The following MAP3K9 variants were observed in gnomAD, a reference collection of about 807,000 sequenced individuals.
MAP3K9 encodes the protein mitogen-activated protein kinase kinase kinase 9.
MAP3K9 carries 46 observed loss-of-function variants against 95.8 expected under a neutral mutation model. The ratio of observed to expected loss-of-function variants is 0.48; its 90% confidence interval spans 0.38 to 0.61. The LOEUF (loss-of-function observed/expected upper bound fraction) is 0.61. Ranked by LOEUF, MAP3K9 falls within the 20% of genes least tolerant of loss-of-function variation. The pLI, the probability that MAP3K9 is intolerant of heterozygous loss-of-function variation, is 0.00. For missense variants in MAP3K9, 1,296 were observed against 1,474.3 expected (o/e 0.88, Z 1.98); for synonymous variants, 533 against 593.8 (o/e 0.90, Z 1.49).
chr14:70,789,908 A>G (rs2054788332), intron 2 of MAP3K9, among the ~76,000 whole-genome samples: 1 of 152,216 alleles, frequency 6.6e-6, no homozygotes, highest in South Asian at 2.1e-4. Context: ...ACACAATTAA[A>G]GTCGCCTAAG....
Position 70,730,673 on chromosome 14 carries a change from A to G in MAP3K9, c.3022T>C (p.Trp1008Arg), listed in dbSNP as rs1227456049. The G allele has an allele frequency of 6.2e-7, 1 of 1,613,576 alleles. No homozygotes were observed. Among genetic ancestry groups the G allele is most frequent in the Admixed American group, 1.7e-5 (1 of 60,016 alleles). ...CGGGCATGGCTGGGGGACACAAACC[A>G]CCAAGGGTCCAGCCGTTGCCGGTTG... ...SANRQRLDPW[W>R]FVSPSHARST... The change falls in exon 12 of 12, where the codon TGG (tryptophan) becomes CGG (arginine). Residue 1008 changes from tryptophan (W) to arginine (R), a missense_variant. By Grantham distance (101) the Trp-to-Arg change is moderately radical. Around this residue, in one of 5 missense-constraint regions of MAP3K9, gnomAD observed 433 missense variants for 441.4 expected, o/e 0.98. Transcript: ENST00000554752.
Position 70,789,582 on chromosome 14 carries a change from T to G in MAP3K9, c.820+11085A>C, listed in dbSNP as rs1482516520. 2.6e-5 allele frequency among the ~76,000 whole-genome samples: 4 copies of G among 152,152 alleles called. No homozygotes were observed. The East Asian group carries it at 7.7e-4, about 29-fold the overall frequency. On this transcript the variant is annotated intron_variant, in intron 2 of 11. Transcript: ENST00000554752. ...TGAGATTTCCTGTGACTCCAAGAGGTTGGCCACGTGCCCAATGTCAAGTGC... is the reference window on the plus strand; with the variant it reads ...TGAGATTTCCTGTGACTCCAAGAGGGTGGCCACGTGCCCAATGTCAAGTGC...
At chr14:70,805,847 A>G (rs2054984091) in intron 1 of MAP3K9, among the ~76,000 whole-genome samples, 1 of 152,188 alleles carries the variant, frequency 6.6e-6, no homozygotes, top group African/African-American at 2.4e-5. Context: ...GGATCTCTTG[A>G]GCCCAGGAGT....
intron 3 of MAP3K9, among the ~76,000 whole-genome samples, chr14:70,750,735 C>T (rs968320869): frequency 1.3e-5 from 2 of 152,150 alleles, no homozygotes; most frequent in African/African-American, 2.4e-5. Flanking sequence ...GATCCTCCCG[C>T]CTCGGCCTCT....
intron 3 of MAP3K9, among the ~76,000 whole-genome samples, chr14:70,759,290 T>C (rs1159079920): frequency 6.6e-6 from 1 of 151,804 alleles, no homozygotes; most frequent in Non-Finnish European, 1.5e-5. Flanking sequence ...ACTAAAAATA[T>C]AAAAATTAGC....
chr14:70,740,589 C>G (rs1323915609), intron 6 of MAP3K9, among the ~76,000 whole-genome samples: 1 of 152,176 alleles, frequency 6.6e-6, no homozygotes, highest in African/African-American at 2.4e-5. Flanking sequence ...ATTCTTCTCA[C>G]TAAGTGCAGG....
In MAP3K9 at chr14:70,732,845, C is replaced by A. The variant is rs764215927; in HGVS notation, c.2524G>T (p.Glu842Ter). 1 of 1,613,840 alleles carries A rather than the reference C, an allele frequency of 6.2e-7. No homozygotes were observed. Among genetic ancestry groups the A allele is most frequent in the Non-Finnish European group, 8.5e-7 (1 of 1,179,896 alleles). ...LTLLSLSSIS[E>*]CNSTRSLLRS... Reference sequence around the variant, plus strand: ...AGCAGGGAGCGTGTGGAGTTGCACTCGGAGATGGAGGAGAGGGAGAGCAGC... The same window carrying A: ...AGCAGGGAGCGTGTGGAGTTGCACTAGGAGATGGAGGAGAGGGAGAGCAGC... The change falls in exon 11 of 12, where the codon GAG becomes TAG. Residue 842 changes from glutamate to a stop codon, truncating the protein, a stop_gained. Coordinates refer to ENST00000554752, the MANE Select transcript of MAP3K9 (RefSeq NM_001284230.2). LOFTEE classifies it high-confidence loss of function.
Position 70,800,951 on chromosome 14 carries a change from T to C in MAP3K9, c.536A>G (p.Glu179Gly). 6.2e-7 allele frequency: 1 copy of C among 1,614,208 alleles called. No homozygotes were observed. Among genetic ancestry groups the C allele is most frequent in the Non-Finnish European group, 8.5e-7 (1 of 1,180,036 alleles). Reference protein sequence around the residue: ...AVKAARHDPDEDISQTIENVR... With the variant: ...AVKAARHDPDGDISQTIENVR... The stretch of plus-strand genomic sequence containing the variant: ...ATTCTCTATGGTCTGGCTGATGTCC[T>C]CATCAGGGTCGTGGCGAGCTGCTTT... Residue 179 changes from glutamate to glycine, a missense_variant, in exon 2 of 12, where the codon GAG becomes GGG. Physicochemically the swap from Glu to Gly is moderately conservative, Grantham distance 98. Transcript: ENST00000554752.
intron 2 of MAP3K9, among the ~76,000 whole-genome samples, chr14:70,762,797 C>A (rs2054393350): frequency 6.6e-6 from 1 of 152,106 alleles, no homozygotes; most frequent in Admixed American, 6.5e-5. Context: ...GGTATAATAT[C>A]TAAGAATCAT....
chr14:70,751,730 T>C (rs2054230836), intron 3 of MAP3K9, among the ~76,000 whole-genome samples: 2 of 151,978 alleles, frequency 1.3e-5, no homozygotes, highest in Admixed American at 1.3e-4. Flanking sequence ...AAGTAATCAA[T>C]AATAATAATA....
intron 3 of MAP3K9, among the ~76,000 whole-genome samples, chr14:70,756,959 A>G (rs1288429309): frequency 2.0e-5 from 3 of 152,234 alleles, no homozygotes; most frequent in Non-Finnish European, 4.4e-5. Flanking sequence ...TATATCAAAA[A>G]TAGTTGAATA....
At chr14:70,740,661 A>C (rs1176031768) in intron 6 of MAP3K9, among the ~76,000 whole-genome samples, 4 of 152,186 alleles carry the variant, frequency 2.6e-5, no homozygotes, top group Non-Finnish European at 5.9e-5. Flanking sequence ...AGATGGAGCA[A>C]ATGGCTCCAA....
At chr14:70,808,286 G>A (rs1481185290) in intron 1 of MAP3K9, among the ~76,000 whole-genome samples, 2 of 152,168 alleles carry the variant, frequency 1.3e-5, no homozygotes, top group African/African-American at 4.8e-5. Flanking sequence ...TCAGCCCTGC[G>A]GAGACACCCC....
intron 2 of MAP3K9, among the ~76,000 whole-genome samples, chr14:70,797,764 T>C (rs2054880943): frequency 1.3e-5 from 2 of 152,176 alleles, no homozygotes; most frequent in Admixed American, 6.5e-5. Context: ...ACAATCATTT[T>C]CAAGTCATGT....
intron 11 of MAP3K9, among the ~76,000 whole-genome samples, chr14:70,731,133 C>A (rs1343514401): frequency 7.1e-6 from 1 of 141,192 alleles, no homozygotes; most frequent in Non-Finnish European, 1.6e-5. Context: ...GACACACAAG[C>A]TGGCCACCTG....
At chr14:70,770,837 C>G (rs1385793126) in intron 2 of MAP3K9, among the ~76,000 whole-genome samples, 1 of 152,222 alleles carries the variant, frequency 6.6e-6, no homozygotes, top group Non-Finnish European at 1.5e-5. Flanking sequence ...CTGTACCCCA[C>G]TCCCCTCTTT....
chr14:70,767,813 G>A (rs75800609), intron 2 of MAP3K9, among the ~76,000 whole-genome samples: 6,328 of 152,122 alleles, frequency 0.042, 134 homozygotes, highest in East Asian at 0.093. Context: ...TCAGCATTCC[G>A]AGTAGCTAGG....
chr14:70,736,168 A>T, intron 8 of MAP3K9, 139 bp from the exon 9 acceptor site: 1 of 688,578 alleles, frequency 1.5e-6, no homozygotes, highest in Non-Finnish European at 2.7e-6. Context: ...AGCCCACACC[A>T]TGAAAGAATC....
intron 3 of MAP3K9, among the ~76,000 whole-genome samples, chr14:70,760,356 C>A (rs574893465): frequency 6.6e-5 from 10 of 152,160 alleles, no homozygotes; most frequent in Non-Finnish European, 1.2e-4. Flanking sequence ...TTCCTTGCAA[C>A]CTTTTGGGCT....
Sources: allele counts gnomAD v4.1 joint callset (sites outside exome capture counted in the v4.1 genomes callset), GRCh38; gene constraint gnomAD v4.1.1; regional missense constraint gnomAD v4.1.1; transcripts MANE v1.5; gene names NCBI Gene and HGNC (gene_info 2026-07-23, HGNC 2026-07-21).